The following ROBO2 variants were observed in gnomAD, a reference collection of about 807,000 sequenced individuals.
ROBO2 encodes the protein roundabout homolog 2.
In ROBO2, 53 loss-of-function variants were observed where a neutral mutation model predicts 160.8. The ratio of observed to expected loss-of-function variants is 0.33; its 90% CI spans 0.26 to 0.41. The LOEUF (loss-of-function observed/expected upper bound fraction) is 0.41. ROBO2 is among the 10% of genes least tolerant of loss of function. ROBO2 has a pLI of 1.00. For synonymous variants in ROBO2, 664 were observed against 611.7 expected (o/e 1.09, Z -1.26); for missense variants, 1,577 against 1,722.4 (o/e 0.92, Z 1.49).
At chr3:77,078,929 T>C (rs145521695) in intron 1 of ROBO2, among the ~76,000 whole-genome samples, 499 of 152,250 alleles carry the variant, frequency 3.3e-3, no homozygotes, top group Non-Finnish European at 5.2e-3. Context: ...AGGTTCTATA[T>C]TTAATTATTT....
intron 2 of ROBO2, among the ~76,000 whole-genome samples, chr3:76,721,944 G>A (rs1160310485): frequency 6.6e-6 from 1 of 152,172 alleles, no homozygotes; most frequent in Non-Finnish European, 1.5e-5. Context: ...TAGAGTTGAG[G>A]TAGGAAGTCA....
At chr3:77,325,267 C>G (rs1227686040) in intron 2 of ROBO2, among the ~76,000 whole-genome samples, 1 of 152,170 alleles carries the variant, frequency 6.6e-6, no homozygotes, top group African/African-American at 2.4e-5. Context: ...AGGGAGAAAT[C>G]TCAGTGACTG....
chr3:77,606,129 G>A (rs1027523277), intron 20 of ROBO2, among the ~76,000 whole-genome samples: 2 of 152,108 alleles, frequency 1.3e-5, no homozygotes, highest in African/African-American at 2.4e-5. Flanking sequence ...GCTGTTTGTG[G>A]GATACTCATA....
intron 2 of ROBO2, among the ~76,000 whole-genome samples, chr3:77,179,847 A>T (rs146864905): frequency 9.3e-4 from 142 of 152,246 alleles, no homozygotes; most frequent in African/African-American, 3.4e-3. Context: ...ACTGTCTCTT[A>T]CAAGTTGCGG....
At chr3:76,421,074 G>A (rs1245735344) in intron 2 of ROBO2, among the ~76,000 whole-genome samples, 1 of 152,124 alleles carries the variant, frequency 6.6e-6, no homozygotes, top group Non-Finnish European at 1.5e-5. Context: ...AATAATGCTA[G>A]GTCAAAACAT....
exon 1 of ROBO2, chr3:75,906,929 G>A (rs1946369486): frequency 6.6e-6 from 1 of 152,368 alleles, no homozygotes; most frequent in African/African-American, 2.4e-5. Context: ...CTGTCCCCCT[G>A]GGTGGAGGCT....
intron 2 of ROBO2, among the ~76,000 whole-genome samples, chr3:76,671,701 A>T (rs2593866): frequency 0.79 from 119,856 of 151,578 alleles, 47,561 homozygotes; most frequent in South Asian, 0.92. Context: ...TAAATATTTC[A>T]TTTAGAAAAT....
At chr3:77,249,626 T>TG (rs2090123943) in intron 2 of ROBO2, among the ~76,000 whole-genome samples, 2 of 77,926 alleles carry the variant, frequency 2.6e-5, no homozygotes, top group South Asian at 8.4e-4. Context: ...GTTACAACTT[T>TG]TTTTTTATTT....
chr3:77,075,287 C>T (rs2067847338), intron 1 of ROBO2, among the ~76,000 whole-genome samples: 1 of 152,234 alleles, frequency 6.6e-6, no homozygotes, highest in South Asian at 2.1e-4. Context: ...GAGTGCTGTA[C>T]AGACATAGGG....
chr3:77,260,592 A>G (rs1196760033), intron 2 of ROBO2, among the ~76,000 whole-genome samples: 1 of 152,160 alleles, frequency 6.6e-6, no homozygotes, highest in African/African-American at 2.4e-5. Context: ...ATGCAACACG[A>G]AGATTCAGCT....
intron 6 of ROBO2, among the ~76,000 whole-genome samples, chr3:77,526,081 C>T (rs1178503666): frequency 6.6e-6 from 1 of 151,364 alleles, no homozygotes; most frequent in Non-Finnish European, 1.5e-5. Context: ...GTAACTCACT[C>T]CTCTTTTCCT....
chr3:75,984,970 C>T (rs1173412303), intron 2 of ROBO2, among the ~76,000 whole-genome samples: 1 of 151,424 alleles, frequency 6.6e-6, no homozygotes, highest in East Asian at 1.9e-4. Context: ...TCTACCAAAG[C>T]TTTCTAATCC....
chr3:76,322,751 CA>C (rs749956705), intron 2 of ROBO2, among the ~76,000 whole-genome samples: 10 of 152,102 alleles, frequency 6.6e-5, no homozygotes, highest in Non-Finnish European at 1.3e-4. Context: ...CAAAGTACAC[CA>C]AGAAGATGCA....
intron 2 of ROBO2, among the ~76,000 whole-genome samples, chr3:76,805,671 C>CGTGTGT (rs71673124): frequency 2.1e-5 from 3 of 146,202 alleles, no homozygotes; most frequent in East Asian, 4.1e-4. Context: ...TATTGGAATA[C>CGTGTGT]GTGTGTGTGT....
chr3:76,455,855 A>G (rs903098560), intron 2 of ROBO2, among the ~76,000 whole-genome samples: 1 of 152,176 alleles, frequency 6.6e-6, no homozygotes, highest in African/African-American at 2.4e-5. Context: ...TCTGCATGTC[A>G]TGTCTGGCTG....
At chr3:77,187,386 A>G (rs2081377230) in intron 2 of ROBO2, among the ~76,000 whole-genome samples, 1 of 151,932 alleles carries the variant, frequency 6.6e-6, no homozygotes, top group Non-Finnish European at 1.5e-5. Flanking sequence ...CAACATCCCA[A>G]TTGTACCAAA....
rs769115488 is a variant in ROBO2 at position 76,376,335 on chromosome 3, A to G, written c.109+438733A>G. 6.6e-5 allele frequency among the ~76,000 whole-genome samples: 10 copies of G among 152,226 alleles called. 1 individual carries two copies. The Middle Eastern group carries it at 0.01, about 155-fold the overall frequency. On this transcript the variant is annotated intron_variant, in intron 2 of 26. Transcript: ENST00000487694. ...ACCAGTGGCCAAGCATCTTCACACAATGTCATTTGTACCAGGGTTTGTCCA... is the reference window on the plus strand; with the variant it reads ...ACCAGTGGCCAAGCATCTTCACACAGTGTCATTTGTACCAGGGTTTGTCCA...
At chr3:77,235,992 T>C (rs1036789) in intron 2 of ROBO2, among the ~76,000 whole-genome samples, 43,945 of 152,136 alleles carry the variant, frequency 0.29, 7,047 homozygotes, top group Non-Finnish European at 0.36. Flanking sequence ...CTCTGTAAAA[T>C]ATTTGAAGAG....
At chr3:76,641,940 G>A (rs376525391) in intron 2 of ROBO2, among the ~76,000 whole-genome samples, 2 of 151,836 alleles carry the variant, frequency 1.3e-5, no homozygotes, top group Non-Finnish European at 2.9e-5. Flanking sequence ...AGATGGTCTC[G>A]AACTCTTGGG....
Sources: gnomAD v4.1 joint callset for allele counts (sites outside exome capture counted in the v4.1 genomes callset) on GRCh38, gnomAD v4.1.1 for gene constraint, MANE v1.5 for transcripts, NCBI Gene and HGNC (gene_info 2026-07-23, HGNC 2026-07-21) for gene names.